SCGB2A2: variants seen among roughly 807,000 people sequenced by gnomAD.
The protein encoded by SCGB2A2 is secretoglobin family 2A member 2.
In SCGB2A2, 11 loss-of-function variants were observed where a neutral mutation model predicts 8.8. The ratio of observed to expected loss-of-function variants is 1.25; its 90% CI spans 0.79 to 2.07. The LOEUF (loss-of-function observed/expected upper bound fraction) is 2.07. Among genes scored for constraint, SCGB2A2 ranks in the 30% most tolerant of loss-of-function variants. The pLI, the probability that SCGB2A2 is intolerant of heterozygous loss-of-function variation, is 0.00. For synonymous variants in SCGB2A2, 42 were observed against 40.9 expected (o/e 1.03, Z -0.10); for missense variants, 113 against 109.9 (o/e 1.03, Z -0.13).
At chr11:62,272,346 CA>C (rs1945286238) in intron 2 of SCGB2A2, among the ~76,000 whole-genome samples, 1 of 151,852 alleles carries the variant, frequency 6.6e-6, no homozygotes, top group African/African-American at 2.4e-5. Flanking sequence ...TTGTGCAAAA[CA>C]GTAATATTCT....
chr11:62,273,149 T>C lies in SCGB2A2; in HGVS notation c.*154T>C. On this transcript the variant is annotated 3_prime_UTR_variant, in exon 3 of 3. Coordinates refer to ENST00000227918, the MANE Select transcript of SCGB2A2 (RefSeq NM_002411.4). Reference sequence around the variant, plus strand: ...GCTATACATGTTTATTTTAATAAATTGATGGCAAAAACTGAAGTTTCTCTT... The same window carrying C: ...GCTATACATGTTTATTTTAATAAATCGATGGCAAAAACTGAAGTTTCTCTT... 1 of 535,446 alleles carries C rather than the reference T, an allele frequency of 1.9e-6. No homozygotes were observed. The highest frequency in any genetic ancestry group is 3.2e-6 in the Non-Finnish European group (1 of 311,390). The allele number at this position is 535,446 out of a possible 1,614,324, so 33.2% of individuals were successfully genotyped here. A position where few individuals can be genotyped will look rare whatever the true frequency, so the allele number is the denominator to read the frequency against.
intron 1 of SCGB2A2, 95 bp from the exon 2 acceptor site, chr11:62,270,786 C>T: frequency 1.1e-6 from 1 of 884,058 alleles, no homozygotes; most frequent in Non-Finnish European, 1.8e-6. Context: ...AGTCTATATT[C>T]TCTTGGGCTG....
chr11:62,270,406 T>C, intron 1 of SCGB2A2, 135 bp downstream of exon 1: 1 of 810,998 alleles, frequency 1.2e-6, no homozygotes. Context: ...GATCTCACCA[T>C]GTTGCCCAGG....
At position 62,270,595 on chromosome 11, in the gene SCGB2A2, G is replaced by A. The variant is rs117810580; in HGVS notation, c.56-286G>A. On this transcript the variant is annotated intron_variant, in intron 1 of 2. Coordinates refer to ENST00000227918, the MANE Select transcript of SCGB2A2 (RefSeq NM_002411.4). ...CCAAAGAAGACCAAATAATCTTCAC[G>A]ATATACTTCCAAGTCCGAGTGTTTC... Among the ~76,000 whole-genome samples the A allele has an allele frequency of 9.7e-4, 148 of 152,294 alleles. 1 individual carries two copies. The highest frequency in any genetic ancestry group is 6.8e-3 in the Middle Eastern group (2 of 294).
At chr11:62,272,726 T>G (rs953266069) in intron 2 of SCGB2A2, among the ~76,000 whole-genome samples, 1 of 151,590 alleles carries the variant, frequency 6.6e-6, no homozygotes, top group African/African-American at 2.4e-5. Flanking sequence ...GTCACGTATT[T>G]GTTGAATACA....
intron 2 of SCGB2A2, chr11:62,271,520 A>G: frequency 8.4e-7 from 1 of 1,186,964 alleles, no homozygotes; most frequent in South Asian, 2.7e-5. Flanking sequence ...CACAGACACA[A>G]TCACACCAGC....
Position 62,271,448 on chromosome 11 carries a change from C to A in SCGB2A2, c.243+380C>A, listed in dbSNP as rs902450209. ...ACACACAGACACAGTCACAATCACA[C>A]AAACACACACACATTCAGACATACA... is the stretch of plus-strand genomic sequence containing the variant. On this transcript the variant is annotated intron_variant, in intron 2 of 2. Coordinates refer to ENST00000227918, the MANE Select transcript of SCGB2A2 (RefSeq NM_002411.4). 5.1e-5 allele frequency: 69 copies of A among 1,361,688 alleles called. 1 individual carries two copies. Among genetic ancestry groups the A allele is most frequent in the Non-Finnish European group, 6.4e-5 (68 of 1,059,610 alleles). The allele number at this position is 1,361,688 out of a possible 1,614,324, so 84.4% of individuals were successfully genotyped here.
At position 62,270,186 on chromosome 11, in the gene SCGB2A2, G is replaced by T. The variant is rs371188648; in HGVS notation, c.-31G>T. The T allele has an allele frequency of 3.0e-5, 49 of 1,612,808 alleles. No individual in the cohort carries two copies. Among genetic ancestry groups the T allele is most frequent in the Non-Finnish European group, 4.1e-5 (48 of 1,179,092 alleles). On this transcript the variant is annotated 5_prime_UTR_variant, in exon 1 of 3. Transcript: ENST00000227918. ...GCGGCTTCCTTGATCCTTGCCACCC[G>T]CGACTGAACACCGACAGCAGCAGCC...
chr11:62,271,799 C>T (rs964213223), intron 2 of SCGB2A2: 82 of 984,256 alleles, frequency 8.3e-5, no homozygotes, highest in Non-Finnish European at 9.9e-5. Context: ...TTCTATACAT[C>T]TCAAATAAAA....
At chr11:62,270,785 T>G (rs1354036885) in intron 1 of SCGB2A2, 96 bp from the exon 2 acceptor site, 1 of 863,872 alleles carries the variant, frequency 1.2e-6, no homozygotes, top group African/African-American at 1.7e-5. Context: ...GAGTCTATAT[T>G]CTCTTGGGCT....
chr11:62,271,382 C>T (rs1945278033), intron 2 of SCGB2A2: 1 of 1,432,626 alleles, frequency 7.0e-7, no homozygotes, highest in Non-Finnish European at 9.1e-7. Context: ...CACAATCACA[C>T]AAACACAGAA....
At chr11:62,272,592 TG>T (rs994904363) in intron 2 of SCGB2A2, among the ~76,000 whole-genome samples, 35 of 148,730 alleles carry the variant, frequency 2.4e-4, no homozygotes, top group Non-Finnish European at 4.6e-4. Flanking sequence ...GTCGGACTGC[TG>T]GGATGCTGGG....
intron 1 of SCGB2A2, 61 bp downstream of exon 1, chr11:62,270,332 A>G: frequency 1.4e-6 from 2 of 1,453,376 alleles, no homozygotes; most frequent in Non-Finnish European, 1.9e-6. Flanking sequence ...GCCTCTATGG[A>G]AGAACTCCTG....
intron 2 of SCGB2A2, chr11:62,271,279 A>G: frequency 6.9e-7 from 1 of 1,459,068 alleles, no homozygotes; most frequent in Non-Finnish European, 9.0e-7. Context: ...TCCTCAGTGG[A>G]TGATAAATGA....
At position 62,270,318 on chromosome 11, in the gene SCGB2A2, T is replaced by C. The variant is rs1448189176; in HGVS notation, c.55+47T>C. On this transcript the variant is annotated intron_variant, in intron 1 of 2. Coordinates refer to ENST00000227918, the MANE Select transcript of SCGB2A2 (RefSeq NM_002411.4). Reference sequence around the variant, plus strand: ...CTGCCTCGGGGTTAGGGGTTGTCACTTGGGCCTCTATGGAAGAACTCCTGC... The same window carrying C: ...CTGCCTCGGGGTTAGGGGTTGTCACCTGGGCCTCTATGGAAGAACTCCTGC... 8.9e-6 allele frequency: 14 copies of C among 1,570,834 alleles called. No homozygotes were observed. In the Admixed American group the frequency reaches 2.3e-4, roughly 26 times the overall value.
rs188653974 is a variant in SCGB2A2, at chr11:62,272,836, C to T, written c.244-121C>T. ...CAGCTCTTCTACTTCCAGCCCTAAC[C>T]GTCTGGGATGCTAGATGGTTGTGGG... On this transcript the variant is annotated intron_variant, in intron 2 of 2. Transcript: ENST00000227918. 1.1e-3 allele frequency: 649 copies of T among 609,768 alleles called. 4 individuals carry two copies. The highest frequency in any genetic ancestry group is 0.01 in the African/African-American group (560 of 53,442). The allele number at this position is 609,768 out of a possible 1,614,324, so 37.8% of individuals were successfully genotyped here. A position where few individuals can be genotyped will look rare whatever the true frequency, so the allele number is the denominator to read the frequency against.
intron 2 of SCGB2A2, chr11:62,271,288 G>A (rs1231351774): frequency 1.3e-5 from 19 of 1,454,002 alleles, no homozygotes; most frequent in Non-Finnish European, 1.5e-5. Context: ...GATGATAAAT[G>A]AATAGGGCAA....
In SCGB2A2 at chr11:62,272,962, A is replaced by G. The variant is rs146344469; in HGVS notation, c.249A>G (p.Leu83=). Residue 83 remains leucine (L), a synonymous_variant, in exon 3 of 3, where the codon TTA becomes TTG. Transcript: ENST00000227918. ...TLSNVEVFMQ[L]IYDSSLCDLF ...TCTCTGTTTTTGCTTTCTAGCAATT[A>G]ATATATGACAGCAGTCTTTGTGATT... The G allele has an allele frequency of 1.9e-6, 3 of 1,604,670 alleles. No homozygotes were observed. Among genetic ancestry groups the G allele is most frequent in the South Asian group, 1.1e-5 (1 of 88,620 alleles).
At chr11:62,271,191 T>C in intron 2 of SCGB2A2, 123 bp downstream of exon 2, 1 of 1,583,970 alleles carries the variant, frequency 6.3e-7, no homozygotes, top group Non-Finnish European at 8.5e-7. Context: ...TTGGTTAATT[T>C]AGTTGAATGG....
Sources: gnomAD v4.1 joint callset for allele counts (sites outside exome capture counted in the v4.1 genomes callset) on GRCh38, gnomAD v4.1.1 for gene constraint, MANE v1.5 for transcripts, NCBI Gene and HGNC (gene_info 2026-07-23, HGNC 2026-07-21) for gene names.